The following ZNF438 variants were observed in gnomAD, a reference collection of about 807,000 sequenced individuals.
ZNF438 encodes zinc finger protein 438.
A neutral mutation model predicts 38.0 loss-of-function variants in ZNF438; 25 were observed. The observed-to-expected ratio is 0.66, with a 90% CI of 0.48 to 0.92. ZNF438 has a LOEUF of 0.92. ZNF438 is among the 40% of genes least tolerant of loss of function. The probability of loss-of-function intolerance (pLI) is 0.00; values close to 1 mark genes in which losing one functional copy is unlikely to be tolerated. For missense variants in ZNF438, 1,007 were observed against 999.6 expected (o/e 1.01, Z -0.10); for synonymous variants, 372 against 364.1 (o/e 1.02, Z -0.25).
At chr10:30,869,328 C>G (rs533996678) in intron 4 of ZNF438, among the ~76,000 whole-genome samples, 1 of 151,946 alleles carries the variant, frequency 6.6e-6, no homozygotes, top group Non-Finnish European at 1.5e-5. Flanking sequence ...GAGCCAAGAT[C>G]ACACCATTGC....
At chr10:30,863,543 T>C (rs777116936) in intron 4 of ZNF438, among the ~76,000 whole-genome samples, 24 of 152,366 alleles carry the variant, frequency 1.6e-4, no homozygotes, top group Middle Eastern at 6.8e-3. Context: ...TCCATCAATA[T>C]GTTTATTGTC....
intron 3 of ZNF438, among the ~76,000 whole-genome samples, chr10:30,906,630 T>C (rs751148744): frequency 2.0e-5 from 3 of 152,218 alleles, no homozygotes; most frequent in Non-Finnish European, 4.4e-5. Context: ...AGATAACTCA[T>C]CCTTGTCTTG....
At chr10:30,924,413 A>G (rs2044676640) in intron 2 of ZNF438, among the ~76,000 whole-genome samples, 1 of 152,240 alleles carries the variant, frequency 6.6e-6, no homozygotes, top group African/African-American at 2.4e-5. Context: ...GGAGGCAATC[A>G]TGATGAATGA....
At chr10:30,900,611 T>C (rs942549327) in intron 3 of ZNF438, among the ~76,000 whole-genome samples, 5 of 152,188 alleles carry the variant, frequency 3.3e-5, no homozygotes, top group African/African-American at 1.2e-4. Flanking sequence ...ATGATCCCCA[T>C]TTTACATACA....
intron 4 of ZNF438, among the ~76,000 whole-genome samples, chr10:30,875,018 C>T (rs910431320): frequency 6.6e-6 from 1 of 152,070 alleles, no homozygotes; most frequent in East Asian, 1.9e-4. Flanking sequence ...GAATGATTAT[C>T]ACAATGGAGG....
chr10:30,954,122 G>A (rs373476627), intron 1 of ZNF438, among the ~76,000 whole-genome samples: 5 of 152,028 alleles, frequency 3.3e-5, no homozygotes, highest in African/African-American at 7.2e-5. Context: ...CAGCCCAGGC[G>A]ACAGTGCGAG....
intron 4 of ZNF438, among the ~76,000 whole-genome samples, chr10:30,870,972 C>T (rs1479656998): frequency 6.6e-6 from 1 of 152,100 alleles, no homozygotes; most frequent in Non-Finnish European, 1.5e-5. Flanking sequence ...GCTCAGCTGT[C>T]CAGATCAGTG....
chr10:31,029,676 A>C (rs1278963051), intron 1 of ZNF438, among the ~76,000 whole-genome samples: 1 of 152,200 alleles, frequency 6.6e-6, no homozygotes, highest in African/African-American at 2.4e-5. Flanking sequence ...CCATACAATA[A>C]AACTTAAATC....
At chr10:30,899,826 A>G (rs2041780000) in intron 3 of ZNF438, among the ~76,000 whole-genome samples, 1 of 152,174 alleles carries the variant, frequency 6.6e-6, no homozygotes, top group Non-Finnish European at 1.5e-5. Flanking sequence ...TTTCAAGAAA[A>G]TTTTAACCAA....
At chr10:30,945,844 A>C (rs530118323) in intron 1 of ZNF438, among the ~76,000 whole-genome samples, 1 of 106,800 alleles carries the variant, frequency 9.4e-6, no homozygotes, top group Non-Finnish European at 1.9e-5. Flanking sequence ...GCTATTGTGA[A>C]TAATGCCACA....
intron 3 of ZNF438, among the ~76,000 whole-genome samples, chr10:30,884,322 T>G (rs1052140726): frequency 2.0e-5 from 3 of 152,282 alleles, no homozygotes; most frequent in Admixed American, 6.5e-5. Context: ...AATTTTTGGA[T>G]AGTTACAATA....
intron 1 of ZNF438, among the ~76,000 whole-genome samples, chr10:31,028,645 T>C (rs1447865695): frequency 6.6e-6 from 1 of 152,208 alleles, no homozygotes; most frequent in Non-Finnish European, 1.5e-5. Flanking sequence ...TTTATGCATT[T>C]AGTCTACTCT....
chr10:30,961,286 T>C (rs2049457771), intron 1 of ZNF438, among the ~76,000 whole-genome samples: 2 of 145,262 alleles, frequency 1.4e-5, no homozygotes, highest in South Asian at 2.2e-4. Context: ...TTATTATACC[T>C]TTTTAAAAAA....
At chr10:30,855,848 T>C (rs951628313) in intron 4 of ZNF438, among the ~76,000 whole-genome samples, 1 of 152,194 alleles carries the variant, frequency 6.6e-6, no homozygotes, top group Admixed American at 6.5e-5. Flanking sequence ...AGAATATCTC[T>C]GAAATGAAAC....
chr10:30,934,912 GT>G (rs1456919585), intron 2 of ZNF438, among the ~76,000 whole-genome samples: 18 of 152,348 alleles, frequency 1.2e-4, no homozygotes, highest in Non-Finnish European at 2.4e-4. Context: ...GAATACCACA[GT>G]GTTTGGAACT....
At chr10:31,024,411 G>A (rs2056805594) in intron 1 of ZNF438, among the ~76,000 whole-genome samples, 1 of 152,164 alleles carries the variant, frequency 6.6e-6, no homozygotes, top group African/African-American at 2.4e-5. Context: ...CGGATCACGA[G>A]GTCAGGAGAT....
chr10:30,848,769 G>A (rs751881615), exon 5 of ZNF438: 22 of 1,614,088 alleles, frequency 1.4e-5, no homozygotes, highest in East Asian at 8.9e-5. Flanking sequence ...CTGCCAGGAC[G>A]TACATAGGAC....
At chr10:31,016,187 A>G (rs1340316286) in intron 1 of ZNF438, among the ~76,000 whole-genome samples, 5 of 152,238 alleles carry the variant, frequency 3.3e-5, no homozygotes, top group Non-Finnish European at 7.3e-5. Flanking sequence ...AAATTTTAAT[A>G]TAAATATGTA....
intron 2 of ZNF438, among the ~76,000 whole-genome samples, chr10:30,936,640 C>T (rs1287014251): frequency 6.6e-6 from 1 of 152,160 alleles, no homozygotes; most frequent in Non-Finnish European, 1.5e-5. Context: ...CGCCATCGCA[C>T]TCCAGCCTAG....
Sources: allele counts gnomAD v4.1 joint callset (sites outside exome capture counted in the v4.1 genomes callset), GRCh38; gene constraint gnomAD v4.1.1; transcripts MANE v1.5; gene names NCBI Gene and HGNC (gene_info 2026-07-23, HGNC 2026-07-21).